Variants in TMEM132D observed in about 807,000 individuals in gnomAD.
The protein encoded by TMEM132D is transmembrane protein 132D.
TMEM132D carries 21 observed loss-of-function variants against 62.3 expected under a neutral mutation model. That is an observed-to-expected ratio of 0.34 (90% CI 0.24 to 0.49). TMEM132D has a LOEUF of 0.49. Among genes scored for constraint, TMEM132D ranks in the 20% least tolerant of loss-of-function variants. TMEM132D has a pLI of 0.99. For missense variants in TMEM132D, 1,346 were observed against 1,402.8 expected (o/e 0.96, Z 0.65); for synonymous variants, 621 against 575.6 (o/e 1.08, Z -1.13).
intron 3 of TMEM132D, among the ~76,000 whole-genome samples, chr12:129,422,667 C>A (rs567286781): frequency 4.9e-4 from 75 of 152,000 alleles, no homozygotes; most frequent in Non-Finnish European, 8.5e-4. Flanking sequence ...ATTCTTTGAG[C>A]CATAAATCTC....
At chr12:129,866,508 A>G (rs555573231) in intron 1 of TMEM132D, among the ~76,000 whole-genome samples, 3 of 151,986 alleles carry the variant, frequency 2.0e-5, no homozygotes, top group South Asian at 2.1e-4. Flanking sequence ...CGAGTTAATG[A>G]GTGCAGCACA....
intron 2 of TMEM132D, chr12:129,683,141 A>G (rs924583759): frequency 6.6e-6 from 1 of 152,144 alleles, no homozygotes; most frequent in Non-Finnish European, 1.5e-5. Context: ...TAAAGAAAAA[A>G]AAAAAAGGAA....
intron 3 of TMEM132D, among the ~76,000 whole-genome samples, chr12:129,357,995 T>A (rs369623597): frequency 3.3e-5 from 5 of 152,230 alleles, no homozygotes; most frequent in African/African-American, 1.2e-4. Context: ...TTTTCTGACC[T>A]TTTCATCAGC....
chr12:129,646,764 C>T (rs973289561), intron 2 of TMEM132D, among the ~76,000 whole-genome samples: 7 of 150,950 alleles, frequency 4.6e-5, no homozygotes, highest in South Asian at 2.1e-4. Context: ...CATGCATTCA[C>T]GCACAAAGAT....
chr12:129,247,528 A>T (rs1880154604), intron 4 of TMEM132D, among the ~76,000 whole-genome samples: 1 of 152,152 alleles, frequency 6.6e-6, no homozygotes, highest in Non-Finnish European at 1.5e-5. Flanking sequence ...CAGCTTTCTC[A>T]CCTGTAATAG....
intron 2 of TMEM132D, among the ~76,000 whole-genome samples, chr12:129,673,916 T>A (rs528540939): frequency 6.6e-6 from 1 of 152,248 alleles, no homozygotes; most frequent in Non-Finnish European, 1.5e-5. Flanking sequence ...TTGCCCCTTT[T>A]CCAAGGTGAC....
intron 4 of TMEM132D, among the ~76,000 whole-genome samples, chr12:129,297,193 GA>G (rs1881600055): frequency 6.6e-6 from 1 of 152,154 alleles, no homozygotes; most frequent in South Asian, 2.1e-4. Context: ...CAGGGGGCTG[GA>G]AAAACTGGCT....
At chr12:129,623,241 G>A (rs1879120797) in intron 2 of TMEM132D, among the ~76,000 whole-genome samples, 1 of 152,094 alleles carries the variant, frequency 6.6e-6, no homozygotes, top group African/African-American at 2.4e-5. Flanking sequence ...AGCACTTTTT[G>A]TTACTGTGTT....
chr12:129,230,326 C>A (rs1297883446), intron 4 of TMEM132D, among the ~76,000 whole-genome samples: 1 of 152,030 alleles, frequency 6.6e-6, no homozygotes, highest in Non-Finnish European at 1.5e-5. Flanking sequence ...GCTCCCCAGC[C>A]TGGCCATCCC....
intron 5 of TMEM132D, among the ~76,000 whole-genome samples, chr12:129,118,564 T>C (rs992900451): frequency 8.5e-5 from 13 of 152,200 alleles, no homozygotes; most frequent in African/African-American, 3.1e-4. Context: ...ATGCCTACAT[T>C]TAGTGATCAA....
At chr12:129,132,545 A>T (rs931365208) in intron 5 of TMEM132D, among the ~76,000 whole-genome samples, 1 of 152,210 alleles carries the variant, frequency 6.6e-6, no homozygotes, top group Non-Finnish European at 1.5e-5. Context: ...TTAGGTCTCC[A>T]GAAGGTATTT....
At chr12:129,282,392 G>A (rs1328567620) in intron 4 of TMEM132D, among the ~76,000 whole-genome samples, 1 of 152,128 alleles carries the variant, frequency 6.6e-6, no homozygotes, top group South Asian at 2.1e-4. Context: ...ATGAAAGTGA[G>A]GTTGGGGACA....
At chr12:129,579,193 AAG>A (rs1177704109) in intron 2 of TMEM132D, among the ~76,000 whole-genome samples, 1 of 152,192 alleles carries the variant, frequency 6.6e-6, no homozygotes, top group Admixed American at 6.5e-5. Flanking sequence ...GCCTTTTGTA[AAG>A]AGAGAAACAT....
chr12:129,522,025 G>GT (rs1875863212), intron 3 of TMEM132D, among the ~76,000 whole-genome samples: 2 of 152,066 alleles, frequency 1.3e-5, no homozygotes, highest in African/African-American at 4.8e-5. Flanking sequence ...CAATTTGACA[G>GT]TATGTAATTT....
At chr12:129,777,191 G>A (rs918846020) in intron 1 of TMEM132D, among the ~76,000 whole-genome samples, 17 of 152,124 alleles carry the variant, frequency 1.1e-4, no homozygotes, top group African/African-American at 3.4e-4. Flanking sequence ...GTGATTCAGC[G>A]GTGGTCTGAT....
chr12:129,876,254 C>T (rs1172135279), intron 1 of TMEM132D, among the ~76,000 whole-genome samples: 1 of 152,146 alleles, frequency 6.6e-6, no homozygotes, highest in Admixed American at 6.5e-5. Context: ...GATCTAAACT[C>T]GGGTCTTAGC....
At chr12:129,483,907 A>T (rs2137055209) in intron 3 of TMEM132D, among the ~76,000 whole-genome samples, 1 of 152,354 alleles carries the variant, frequency 6.6e-6, no homozygotes, top group Non-Finnish European at 1.5e-5. Flanking sequence ...ACCTGCCAAA[A>T]CATATGTATA....
At chr12:129,746,464 C>T (rs908818068) in intron 1 of TMEM132D, among the ~76,000 whole-genome samples, 2 of 152,048 alleles carry the variant, frequency 1.3e-5, no homozygotes, top group Non-Finnish European at 2.9e-5. Flanking sequence ...GGGAGGATAT[C>T]ATCAGATTTA....
chr12:129,727,129 A>G (rs992021038), intron 1 of TMEM132D, among the ~76,000 whole-genome samples: 1 of 152,338 alleles, frequency 6.6e-6, no homozygotes, highest in Middle Eastern at 3.4e-3. Context: ...ATTTTGATGT[A>G]TGATTGTCCC....
Sources: allele counts gnomAD v4.1 joint callset (sites outside exome capture counted in the v4.1 genomes callset), GRCh38; gene constraint gnomAD v4.1.1; transcripts MANE v1.5; gene names NCBI Gene and HGNC (gene_info 2026-07-23, HGNC 2026-07-21).